PRR16: variants seen among roughly 807,000 people sequenced by gnomAD.
The protein encoded by PRR16 is protein Largen.
A neutral mutation model predicts 18.2 loss-of-function variants in PRR16; 6 were observed. That is an observed-to-expected ratio of 0.33 (90% CI 0.18 to 0.65). The LOEUF (loss-of-function observed/expected upper bound fraction) is 0.65. Ranked by LOEUF, PRR16 falls within the 30% of genes least tolerant of loss-of-function variation. The pLI, the probability that PRR16 is intolerant of heterozygous loss-of-function variation, is 0.74. For synonymous variants in PRR16, 151 were observed against 147.8 expected, an observed-to-expected ratio of 1.02 and a Z score of -0.16; for missense variants, 412 against 376.6, an observed-to-expected ratio of 1.09 and a Z score of -0.78.
chr5:120,544,601 T>C lies in PRR16; in HGVS notation c.159+79956T>C, dbSNP rs1296022267. On this transcript the variant is annotated intron_variant, in intron 1 of 1. Coordinates refer to ENST00000407149, the MANE Select transcript of PRR16 (RefSeq NM_001300783.2). ...ATATAATACAATTGTGTTTTCTATT[T>C]TATTCTATATGACATTTTTAAATTC... 2.0e-5 allele frequency among the ~76,000 whole-genome samples: 3 copies of C among 152,172 alleles called. No individual in the cohort carries two copies. The East Asian group carries it at 5.8e-4, about 29-fold the overall frequency.
chr5:120,789,527 A>T, the PRR16 span, among the ~76,000 whole-genome samples: 2 of 152,122 alleles, frequency 1.3e-5, no homozygotes, highest in East Asian at 1.9e-4. Context: ...CTGCAATAAA[A>T]ATTACATCAT....
chr5:120,716,198 C>T, the PRR16 span, among the ~76,000 whole-genome samples: 1 of 152,162 alleles, frequency 6.6e-6, no homozygotes, highest in African/African-American at 2.4e-5. Flanking sequence ...CTTTGTCAAA[C>T]CCTTTTCCAA....
the PRR16 span, among the ~76,000 whole-genome samples, chr5:120,696,624 C>T: frequency 6.6e-6 from 1 of 152,132 alleles, no homozygotes; most frequent in Non-Finnish European, 1.5e-5. Flanking sequence ...TTTCTTCCAA[C>T]AAAGTGGTTC....
chr5:120,467,591 A>G (rs1163841066), intron 1 of PRR16, among the ~76,000 whole-genome samples: 1 of 152,186 alleles, frequency 6.6e-6, no homozygotes, highest in African/African-American at 2.4e-5. Flanking sequence ...AGAATCAAAC[A>G]TAATAGTAAT....
intron 1 of PRR16, among the ~76,000 whole-genome samples, chr5:120,488,738 G>A (rs1316095438): frequency 6.6e-6 from 1 of 152,094 alleles, no homozygotes; most frequent in Non-Finnish European, 1.5e-5. Flanking sequence ...TAATTGTGAT[G>A]TTAGGGTGTC....
chr5:120,612,366 G>C (rs112595402), intron 1 of PRR16, among the ~76,000 whole-genome samples: 8,941 of 152,214 alleles, frequency 0.059, 340 homozygotes, highest in South Asian at 0.089. Context: ...GGAGGGGCCA[G>C]GGGTGGAATG....
intron 1 of PRR16, among the ~76,000 whole-genome samples, chr5:120,627,325 T>C (rs1754900897): frequency 6.6e-6 from 1 of 152,138 alleles, no homozygotes; most frequent in Non-Finnish European, 1.5e-5. Context: ...TAGTAGATAC[T>C]TAACAAGTAC....
rs1756922477 is a variant in PRR16 at position 120,679,981 on chromosome 5, T to C, written c.160-5973T>C. Among the ~76,000 whole-genome samples, 3 of 152,146 alleles carry C rather than the reference T, an allele frequency of 2.0e-5. No individual in the cohort carries two copies. In the South Asian group the frequency reaches 6.2e-4, roughly 31 times the overall value. On this transcript the variant is annotated intron_variant, in intron 1 of 1. Coordinates refer to ENST00000407149, the MANE Select transcript of PRR16 (RefSeq NM_001300783.2). ...TATTGTATTCAGGATTTTTGCTAAA[T>C]TAGTAGATTATAGCTGCTCTTGTTG...
chr5:120,570,749 A>G lies in PRR16; in HGVS notation c.159+106104A>G, dbSNP rs538360598. On this transcript the variant is annotated intron_variant, in intron 1 of 1. Coordinates refer to ENST00000407149, the MANE Select transcript of PRR16 (RefSeq NM_001300783.2). ...AAGTATAAAAACATGAAATGTATGG[A>G]TAAATCTTAATAATAAATTATTATA... Among the ~76,000 whole-genome samples the G allele has an allele frequency of 5.3e-5, 8 of 152,284 alleles. No homozygotes were observed. In the South Asian group the frequency reaches 1.7e-3, roughly 32 times the overall value.
chr5:120,750,469 A>C, the PRR16 span, among the ~76,000 whole-genome samples: 2 of 151,870 alleles, frequency 1.3e-5, no homozygotes, highest in Non-Finnish European at 2.9e-5. Flanking sequence ...GACCAGCCTG[A>C]TCAACATGGT....
chr5:120,691,844 C>T (rs574013271), downstream of PRR16, among the ~76,000 whole-genome samples: 11 of 152,276 alleles, frequency 7.2e-5, no homozygotes, highest in Non-Finnish European at 1.2e-4. Context: ...GCTATCTAAT[C>T]CTTATCAAGG....
rs568711748 is a variant in PRR16, at chr5:120,502,593, A to G, written c.159+37948A>G. 2.2e-4 allele frequency among the ~76,000 whole-genome samples: 34 copies of G among 152,278 alleles called. No individual in the cohort carries two copies. The East Asian group carries it at 6.4e-3, about 29-fold the overall frequency. On this transcript the variant is annotated intron_variant, in intron 1 of 1. Transcript: ENST00000407149. The stretch of plus-strand genomic sequence containing the variant: ...AAGAGGCTCTGTGTGCTTAAAATGC[A>G]AGGCCATCTACTGTGGGAATTCAGA...
At chr5:120,620,370 T>C (rs1360030563) in intron 1 of PRR16, among the ~76,000 whole-genome samples, 1 of 152,136 alleles carries the variant, frequency 6.6e-6, no homozygotes, top group Admixed American at 6.6e-5. Context: ...ATGGGTACAG[T>C]GATTGATGAC....
At chr5:120,787,526 G>A in the PRR16 span, among the ~76,000 whole-genome samples, 1 of 152,032 alleles carries the variant, frequency 6.6e-6, no homozygotes, top group African/African-American at 2.4e-5. Flanking sequence ...AGGGCTGAGA[G>A]GCAAATATCC....
downstream of PRR16, among the ~76,000 whole-genome samples, chr5:120,691,459 G>T (rs1006690274): frequency 2.0e-5 from 3 of 151,852 alleles, no homozygotes; most frequent in Non-Finnish European, 4.4e-5. Flanking sequence ...TCACCTTTTA[G>T]TTTTTTTTCT....
chr5:120,729,776 A>G, the PRR16 span, among the ~76,000 whole-genome samples: 1 of 152,176 alleles, frequency 6.6e-6, no homozygotes, highest in Non-Finnish European at 1.5e-5. Flanking sequence ...GGGAATGACA[A>G]ACAGCATGGT....
At chr5:120,520,487 G>T (rs1229689868) in intron 1 of PRR16, among the ~76,000 whole-genome samples, 2 of 152,204 alleles carry the variant, frequency 1.3e-5, no homozygotes, top group African/African-American at 4.8e-5. Flanking sequence ...GCAAGACAAA[G>T]GCACGTTTAG....
chr5:120,564,503 GA>G (rs34960483), intron 1 of PRR16, among the ~76,000 whole-genome samples: 66,768 of 151,852 alleles, frequency 0.44, 15,208 homozygotes, highest in Middle Eastern at 0.52. Flanking sequence ...GGCGCTGGCT[GA>G]GGCAAGCATG....
chr5:120,655,801 G>A (rs1561597392), intron 1 of PRR16, among the ~76,000 whole-genome samples: 2 of 150,186 alleles, frequency 1.3e-5, no homozygotes, highest in Non-Finnish European at 3.0e-5. Flanking sequence ...AAGGCTAAAT[G>A]TGAAGAGAAG....
Sources: allele counts gnomAD v4.1 joint callset (sites outside exome capture counted in the v4.1 genomes callset), GRCh38; gene constraint gnomAD v4.1.1; transcripts MANE v1.5; gene names NCBI Gene and HGNC (gene_info 2026-07-23, HGNC 2026-07-21).